Variants in PARD3B observed in about 807,000 individuals in gnomAD.
PARD3B encodes the protein partitioning defective 3 homolog B.
Under a neutral mutation model 130.2 loss-of-function variants are expected in PARD3B, and 103 were observed. The observed-to-expected ratio is 0.79, with a 90% CI of 0.67 to 0.93. The LOEUF (loss-of-function observed/expected upper bound fraction) is 0.93. Ranked by LOEUF, PARD3B falls within the 40% of genes least tolerant of loss-of-function variation. The pLI, the probability that PARD3B is intolerant of heterozygous loss-of-function variation, is 0.00. For missense variants in PARD3B, 1,609 were observed against 1,499.2 expected, an observed-to-expected ratio of 1.07 and a Z score of -1.21; for synonymous variants, 583 against 553.2, an observed-to-expected ratio of 1.05 and a Z score of -0.76.
intron 15 of PARD3B, among the ~76,000 whole-genome samples, chr2:205,203,210 T>C (rs926584350): frequency 1.3e-5 from 2 of 152,186 alleles, no homozygotes; most frequent in Non-Finnish European, 2.9e-5. Context: ...TTGACCTCTG[T>C]GTACTTAGAA....
intron 2 of PARD3B, among the ~76,000 whole-genome samples, chr2:204,941,421 C>T (rs565732460): frequency 2.0e-5 from 3 of 152,092 alleles, no homozygotes; most frequent in Non-Finnish European, 4.4e-5. Context: ...CAATTAATGC[C>T]CTGATAACAT....
chr2:205,097,830 C>CGTGTGT (rs71939970), intron 4 of PARD3B, among the ~76,000 whole-genome samples: 1 of 150,364 alleles, frequency 6.7e-6, no homozygotes, highest in African/African-American at 2.4e-5. Flanking sequence ...AATCTAGTGG[C>CGTGTGT]GTGTGTGTGT....
intron 2 of PARD3B, among the ~76,000 whole-genome samples, chr2:204,937,849 T>G (rs780516990): frequency 6.6e-6 from 1 of 152,196 alleles, no homozygotes; most frequent in Non-Finnish European, 1.5e-5. Context: ...ATGCTAATTC[T>G]CCTTCATAAT....
chr2:205,091,202 G>A lies in PARD3B; in HGVS notation c.505-13224G>A, dbSNP rs1205319101. ...CCCAAAGTAGCCAACAAATGGAATA[G>A]AAGTTAAGAACATAAGACCTTTAGT... On this transcript the variant is annotated intron_variant, in intron 4 of 22. Coordinates refer to ENST00000406610, the MANE Select transcript of PARD3B (RefSeq NM_001302769.2). This position sits in a 1 kb window ranked among gnomAD's most constrained non-coding sequence, Gnocchi z 4.2. Among the ~76,000 whole-genome samples the A allele has an allele frequency of 6.6e-6, 1 of 152,188 alleles. No individual in the cohort carries two copies. Among genetic ancestry groups the A allele is most frequent in the African/African-American group, 2.4e-5 (1 of 41,440 alleles).
rs58267787 is a variant in PARD3B, at chr2:205,178,143, T to TAAAAAAAAAAAAAA, written c.1924+1588_1924+1601dup. Among the ~76,000 whole-genome samples the TAAAAAAAAAAAAAA allele has an allele frequency of 2.9e-4, 6 of 20,786 alleles. 1 individual carries two copies. The highest frequency in any genetic ancestry group is 1.2e-3 in the Admixed American group (1 of 818). The allele number at this position is 20,786 out of a possible 152,430, so 13.6% of individuals were successfully genotyped here. ...CAACATGGCAAAATCCCATCTGTAC[T>TAAAAAAAAAAAAAA]AAAAAAAAAAAAAAAAAAAAAAAAA... On this transcript the variant is annotated intron_variant, in intron 13 of 22. Coordinates refer to ENST00000406610, the MANE Select transcript of PARD3B (RefSeq NM_001302769.2).
At chr2:204,766,554 T>G (rs888671024) in intron 2 of PARD3B, among the ~76,000 whole-genome samples, 2 of 152,112 alleles carry the variant, frequency 1.3e-5, no homozygotes, top group African/African-American at 4.8e-5. Flanking sequence ...TGCTATACCT[T>G]ATTTCATATT....
chr2:204,618,222 A>G (rs2034180093), intron 1 of PARD3B, among the ~76,000 whole-genome samples: 1 of 152,166 alleles, frequency 6.6e-6, no homozygotes, highest in Admixed American at 6.6e-5. Flanking sequence ...CCGGGATCAC[A>G]AACTAGCATA....
At chr2:205,375,245 A>C (rs1273837018) in intron 18 of PARD3B, among the ~76,000 whole-genome samples, 1 of 152,356 alleles carries the variant, frequency 6.6e-6, no homozygotes, top group South Asian at 2.1e-4. Context: ...ACGTGCATAA[A>C]GTACTGTGAA....
rs1005247202 is a variant in PARD3B, at chr2:205,269,231, A to G, written c.2185+23409A>G. Among the ~76,000 whole-genome samples the G allele has an allele frequency of 4.6e-5, 7 of 152,164 alleles. No homozygotes were observed. Among genetic ancestry groups the G allele is most frequent in the Middle Eastern group, 3.2e-3 (1 of 316 alleles). On this transcript the variant is annotated intron_variant, in intron 16 of 22. Coordinates refer to ENST00000406610, the MANE Select transcript of PARD3B (RefSeq NM_001302769.2). This position sits in a 1 kb window ranked among gnomAD's most constrained non-coding sequence, Gnocchi z 4.7. ...TTTATTGTAATTTTCTAATTCCTCA[A>G]TGTTAAGTTCTCAATGATTAAAGGT...
At chr2:204,871,746 G>C (rs772968853) in intron 2 of PARD3B, among the ~76,000 whole-genome samples, 32 of 151,994 alleles carry the variant, frequency 2.1e-4, no homozygotes, top group African/African-American at 7.7e-4. Flanking sequence ...GTCCTGTTGG[G>C]TGTAATTCTG....
chr2:205,178,143 T>TAA (rs58267787), intron 13 of PARD3B, among the ~76,000 whole-genome samples: 383 of 20,790 alleles, frequency 0.018, 80 homozygotes, highest in East Asian at 0.04. Context: ...CCATCTGTAC[T>TAA]AAAAAAAAAA....
At chr2:205,455,988 T>G (rs541125237) in intron 20 of PARD3B, among the ~76,000 whole-genome samples, 83 of 152,240 alleles carry the variant, frequency 5.5e-4, no homozygotes, top group African/African-American at 1.9e-3. Flanking sequence ...TCATCTGTTT[T>G]CTGTCCATAA....
rs528304419 is a variant in PARD3B at position 204,892,167 on chromosome 2, G to A, written c.223-72985G>A. Among the ~76,000 whole-genome samples, 3 of 152,282 alleles carry A rather than the reference G, an allele frequency of 2.0e-5. No individual in the cohort carries two copies. In the South Asian group the frequency reaches 6.2e-4, roughly 32 times the overall value. ...GAGGAAGAGCTTACATTGCTATGAA[G>A]GTGCAATCAAGGTGGGGAGAGAGCA... On this transcript the variant is annotated intron_variant, in intron 2 of 22. Coordinates refer to ENST00000406610, the MANE Select transcript of PARD3B (RefSeq NM_001302769.2).
intron 16 of PARD3B, among the ~76,000 whole-genome samples, chr2:205,260,775 CCAGAGATGAGA>C (rs1294119929): frequency 5.3e-5 from 8 of 151,884 alleles, no homozygotes; most frequent in Non-Finnish European, 1.0e-4. Context: ...CTATCTAGAG[CCAGAGATGAGA>C]CAGATTTTCT....
intron 3 of PARD3B, among the ~76,000 whole-genome samples, chr2:204,989,149 C>G (rs1693427148): frequency 6.6e-6 from 1 of 152,014 alleles, no homozygotes; most frequent in South Asian, 2.1e-4. Context: ...GTCCCTTTAC[C>G]TAAGAAAGGA....
At chr2:205,371,931 C>A (rs1410760696) in intron 18 of PARD3B, among the ~76,000 whole-genome samples, 2 of 152,110 alleles carry the variant, frequency 1.3e-5, no homozygotes, top group Non-Finnish European at 2.9e-5. Context: ...CGACTGGCTT[C>A]TTTCACTTAG....
chr2:205,612,669 A>T (rs1230993390), intron 22 of PARD3B, among the ~76,000 whole-genome samples: 1 of 152,218 alleles, frequency 6.6e-6, no homozygotes, highest in Non-Finnish European at 1.5e-5. Context: ...CTGAAAAATT[A>T]AAAATGCTAA....
At chr2:204,911,214 A>G (rs2047223701) in intron 2 of PARD3B, among the ~76,000 whole-genome samples, 1 of 152,214 alleles carries the variant, frequency 6.6e-6, no homozygotes, top group South Asian at 2.1e-4. Context: ...CATGTGAGAG[A>G]CAGCTGTTTC....
At chr2:205,112,087 A>G (rs970806397) in intron 5 of PARD3B, among the ~76,000 whole-genome samples, 1 of 152,044 alleles carries the variant, frequency 6.6e-6, no homozygotes, top group Non-Finnish European at 1.5e-5. Flanking sequence ...ATTTAATACT[A>G]TATTATCACT....
Sources: gnomAD v4.1 joint callset for allele counts (sites outside exome capture counted in the v4.1 genomes callset) on GRCh38, gnomAD v4.1.1 for gene constraint, Gnocchi (gnomAD v3.1) non-coding constraint, MANE v1.5 for transcripts, NCBI Gene and HGNC (gene_info 2026-07-23, HGNC 2026-07-21) for gene names.